The following ALPK1 variants were observed in gnomAD, a reference collection of about 807,000 sequenced individuals.
ALPK1 encodes the protein alpha-protein kinase 1.
Under a neutral mutation model 120.6 loss-of-function variants are expected in ALPK1, and 110 were observed. That is an observed-to-expected ratio of 0.91 (90% CI 0.78 to 1.07). The LOEUF (loss-of-function observed/expected upper bound fraction) is 1.07, where lower values mean the gene tolerates loss of function less well. Ranked by LOEUF, ALPK1 falls within the 50% of genes least tolerant of loss-of-function variation. ALPK1 has a pLI of 0.00. For missense variants in ALPK1, 1,498 were observed against 1,483.9 expected, an observed-to-expected ratio of 1.01 and a Z score of -0.16; for synonymous variants, 582 against 560.3, an observed-to-expected ratio of 1.04 and a Z score of -0.55.
chr4:112,368,781 A>G (rs1422308777), intron 2 of ALPK1, among the ~76,000 whole-genome samples: 1 of 152,010 alleles, frequency 6.6e-6, no homozygotes, highest in Non-Finnish European at 1.5e-5. Flanking sequence ...AGGTGAGGGG[A>G]GAGGATGAGG....
At chr4:112,394,156 C>A (rs1367285537) in intron 4 of ALPK1, among the ~76,000 whole-genome samples, 1 of 152,152 alleles carries the variant, frequency 6.6e-6, no homozygotes, top group Non-Finnish European at 1.5e-5. Context: ...GTTTCCTACT[C>A]CTAAATGTGG....
intron 1 of ALPK1, among the ~76,000 whole-genome samples, chr4:112,302,919 A>G (rs902949373): frequency 1.3e-5 from 2 of 152,146 alleles, no homozygotes; most frequent in African/African-American, 4.8e-5. Flanking sequence ...ACTTACATTC[A>G]TGTATCAGAG....
At chr4:112,390,167 T>C (rs1732341427) in intron 4 of ALPK1, among the ~76,000 whole-genome samples, 1 of 152,224 alleles carries the variant, frequency 6.6e-6, no homozygotes, top group African/African-American at 2.4e-5. Flanking sequence ...GTCCTTCCCT[T>C]GGCTGCCCCT....
chr4:112,420,833 TAGAG>T (rs961078583), intron 5 of ALPK1, among the ~76,000 whole-genome samples: 1 of 143,678 alleles, frequency 7.0e-6, no homozygotes, highest in African/African-American at 2.5e-5. Flanking sequence ...CATACATACA[TAGAG>T]AGAAAGAGAG....
chr4:112,397,424 A>G (rs976293632), intron 4 of ALPK1, among the ~76,000 whole-genome samples: 8 of 152,248 alleles, frequency 5.3e-5, no homozygotes, highest in African/African-American at 1.9e-4. Context: ...GCTAGTGCAA[A>G]GGTAATTGCG....
At chr4:112,429,646 C>A (rs1173645115) in intron 10 of ALPK1, among the ~76,000 whole-genome samples, 18 of 152,054 alleles carry the variant, frequency 1.2e-4, no homozygotes, top group African/African-American at 4.1e-4. Context: ...CTAGCCTGAG[C>A]AACATGGTGA....
At chr4:112,419,730 G>A (rs1195273320) in intron 5 of ALPK1, among the ~76,000 whole-genome samples, 2 of 152,180 alleles carry the variant, frequency 1.3e-5, no homozygotes, top group African/African-American at 2.4e-5. Context: ...AAAATATCAT[G>A]TTGGACAACT....
intron 11 of ALPK1, among the ~76,000 whole-genome samples, chr4:112,434,750 C>T (rs1734717922): frequency 6.6e-6 from 1 of 152,216 alleles, no homozygotes; most frequent in Admixed American, 6.5e-5. Context: ...GTAGTAGCTT[C>T]TGTTATTTGG....
chr4:112,351,340 C>G (rs1730343861), intron 2 of ALPK1, among the ~76,000 whole-genome samples: 1 of 152,072 alleles, frequency 6.6e-6, no homozygotes, highest in Admixed American at 6.5e-5. Flanking sequence ...GCTTTGGCAT[C>G]TAATTTCCCA....
chr4:112,333,198 G>A (rs533462880), intron 2 of ALPK1, among the ~76,000 whole-genome samples: 10 of 152,168 alleles, frequency 6.6e-5, no homozygotes, highest in Non-Finnish European at 1.2e-4. Flanking sequence ...TACTGATCTG[G>A]CCCTGCATAA....
At chr4:112,391,855 C>T (rs1560667294) in intron 4 of ALPK1, among the ~76,000 whole-genome samples, 2 of 152,096 alleles carry the variant, frequency 1.3e-5, no homozygotes, top group Admixed American at 6.5e-5. Context: ...ACTAACATAC[C>T]AAGTGCATAT....
chr4:112,308,759 T>C (rs1311500758), intron 1 of ALPK1, among the ~76,000 whole-genome samples: 3 of 152,174 alleles, frequency 2.0e-5, no homozygotes, highest in Non-Finnish European at 4.4e-5. Flanking sequence ...GTCAAAGTCA[T>C]TGTCCATCCA....
Position 112,305,008 on chromosome 4 carries a change from T to C in ALPK1, c.-153+7539T>C, listed in dbSNP as rs534331181. On this transcript the variant is annotated intron_variant, in intron 1 of 15. Transcript: ENST00000650871. ...CCAGCACCATTTATTAAATAGGGAC[T>C]CCTTTCCCCATTTCTTGTTTTTGTC... is the stretch of plus-strand genomic sequence containing the variant. 3.0e-4 allele frequency among the ~76,000 whole-genome samples: 46 copies of C among 152,258 alleles called. 1 individual carries two copies. Among genetic ancestry groups the C allele is most frequent in the African/African-American group, 1.0e-3 (42 of 41,518 alleles).
intron 3 of ALPK1, among the ~76,000 whole-genome samples, chr4:112,381,388 T>G (rs899601392): frequency 9.2e-5 from 14 of 152,198 alleles, no homozygotes; most frequent in African/African-American, 3.4e-4. Context: ...CAGTTTTGGA[T>G]GTTGAGCATG....
chr4:112,302,745 C>T (rs1727845567), intron 1 of ALPK1, among the ~76,000 whole-genome samples: 1 of 151,668 alleles, frequency 6.6e-6, no homozygotes, highest in Non-Finnish European at 1.5e-5. Flanking sequence ...AGCAAACAAA[C>T]AAACAAACAA....
chr4:112,419,802 C>A (rs1733910011), intron 5 of ALPK1, among the ~76,000 whole-genome samples: 1 of 152,208 alleles, frequency 6.6e-6, no homozygotes, highest in African/African-American at 2.4e-5. Context: ...ACTTTCATGG[C>A]AGGCTGCCTT....
intron 5 of ALPK1, among the ~76,000 whole-genome samples, chr4:112,415,868 G>T (rs1376792213): frequency 1.3e-5 from 2 of 152,068 alleles, no homozygotes; most frequent in African/African-American, 2.4e-5. Context: ...CAACCAGACT[G>T]CTTCAATGGG....
chr4:112,416,144 T>C (rs1733737620), intron 5 of ALPK1, among the ~76,000 whole-genome samples: 1 of 152,208 alleles, frequency 6.6e-6, no homozygotes, highest in African/African-American at 2.4e-5. Flanking sequence ...CAGATTCCGA[T>C]TCAGTAGATC....
chr4:112,304,433 A>G lies in ALPK1; in HGVS notation c.-153+6964A>G, dbSNP rs539893878. On this transcript the variant is annotated intron_variant, in intron 1 of 15. Coordinates refer to ENST00000650871, the MANE Select transcript of ALPK1 (RefSeq NM_025144.4). ...CCTGTTGTTTCCTGACTTTTTAATGATTGCCATTCTAACTGGTGTGAGATG... is the reference window on the plus strand; with the variant it reads ...CCTGTTGTTTCCTGACTTTTTAATGGTTGCCATTCTAACTGGTGTGAGATG... Among the ~76,000 whole-genome samples the G allele has an allele frequency of 1.2e-4, 18 of 152,148 alleles. 1 individual carries two copies. Among genetic ancestry groups the G allele is most frequent in the African/African-American group, 4.3e-4 (18 of 41,456 alleles).
Sources: allele counts gnomAD v4.1 joint callset (sites outside exome capture counted in the v4.1 genomes callset), GRCh38; gene constraint gnomAD v4.1.1; transcripts MANE v1.5; gene names NCBI Gene and HGNC (gene_info 2026-07-23, HGNC 2026-07-21).